SCAF11: variants seen among roughly 807,000 people sequenced by gnomAD.
SCAF11 encodes the protein SR-related CTD associated factor 11.
In SCAF11, 47 loss-of-function variants were observed where a neutral mutation model predicts 140.5. That is an observed-to-expected ratio of 0.33 (90% CI 0.26 to 0.43). The LOEUF (loss-of-function observed/expected upper bound fraction) is 0.43, where lower values mean the gene tolerates loss of function less well. Ranked by LOEUF, SCAF11 falls within the 20% of genes least tolerant of loss-of-function variation. SCAF11 has a pLI of 1.00. For missense variants in SCAF11, 1,645 were observed against 1,705.1 expected (o/e 0.96, Z 0.62); for synonymous variants, 557 against 579.4 (o/e 0.96, Z 0.55).
intron 3 of SCAF11, chr12:45,961,394 A>AG: frequency 1.4e-6 from 1 of 703,376 alleles, no homozygotes. Flanking sequence ...TATTAAGCAC[A>AG]GAGTCAAGTA....
chr12:45,961,693 G>T lies in SCAF11; in HGVS notation c.219+7C>A. The T allele has an allele frequency of 6.2e-7, 1 of 1,606,420 alleles. No homozygotes were observed. The highest frequency in any genetic ancestry group is 1.1e-5 in the South Asian group (1 of 89,786). On this transcript the variant is annotated splice_region_variant and intron_variant, in intron 3 of 14. Coordinates refer to ENST00000369367, the MANE Select transcript of SCAF11 (RefSeq NM_004719.3). The stretch of plus-strand genomic sequence containing the variant: ...GAAATTAAAATACATTAATGTGTCA[G>T]ACTTACCTCTGCCCATTTAAGAATA...
chr12:45,928,118 T>C lies in SCAF11; in HGVS notation c.1583A>G (p.Gln528Arg). Reference protein sequence around the residue: ...KGGDPLEKQDQISGLSQSEVK... With the variant: ...KGGDPLEKQDRISGLSQSEVK... Reference sequence around the variant, plus strand: ...CTCTGATTGTGAAAGTCCAGATATCTGGTCTTGCTTTTCCAATGGATCACC... The same window carrying C: ...CTCTGATTGTGAAAGTCCAGATATCCGGTCTTGCTTTTCCAATGGATCACC... The change falls in exon 11 of 15, where the codon CAG (glutamine) becomes CGG (arginine). Residue 528 changes from glutamine to arginine, a missense_variant. Around this residue, in one of 2 missense-constraint regions of SCAF11, gnomAD observed 1,582 missense variants for 1,609.2 expected, o/e 0.98. Coordinates refer to ENST00000369367, the MANE Select transcript of SCAF11 (RefSeq NM_004719.3). 1 of 1,614,010 alleles carries C rather than the reference T, an allele frequency of 6.2e-7. No individual in the cohort carries two copies. The highest frequency in any genetic ancestry group is 1.1e-5 in the South Asian group (1 of 91,074).
In SCAF11 at chr12:45,927,081, C is replaced by T; in HGVS notation, c.2620G>A (p.Glu874Lys). 1 of 1,614,160 alleles carries T rather than the reference C, an allele frequency of 6.2e-7. No homozygotes were observed. Among genetic ancestry groups the T allele is most frequent in the Non-Finnish European group, 8.5e-7 (1 of 1,180,024 alleles). Residue 874 changes from glutamate (E) to lysine (K), a missense_variant, in exon 11 of 15, where the codon GAA (glutamate) becomes AAA (lysine). Transcript: ENST00000369367. ...GACAGTGATTCAGATCTTCTGCTTT[C>T]CCTAGTAGTATCCCTTTTTGGAGAC... ...SRSPKRDTTR[E>K]SRRSESLSPR...
At chr12:45,945,355 CTG>C (rs1165246882) in intron 5 of SCAF11, 42 bp from the exon 6 acceptor site, 2 of 1,198,164 alleles carry the variant, frequency 1.7e-6, no homozygotes, top group Non-Finnish European at 2.4e-6. Flanking sequence ...AAGAAAAAAA[CTG>C]TCATTTTGCT....
chr12:45,968,029 G>A (rs1945991102), intron 1 of SCAF11, among the ~76,000 whole-genome samples: 1 of 152,200 alleles, frequency 6.6e-6, no homozygotes, highest in African/African-American at 2.4e-5. Context: ...GAGGTAAGAT[G>A]TGGGTAGGTA....
At chr12:45,991,639 C>T (rs1946614150), upstream of SCAF11, among the ~76,000 whole-genome samples, 1 of 152,200 alleles carries the variant, frequency 6.6e-6, no homozygotes, top group Admixed American at 6.5e-5. Flanking sequence ...GTGTGCCATC[C>T]TCCACTTTTT....
chr12:45,981,725 G>T (rs182868562), intron 1 of SCAF11, among the ~76,000 whole-genome samples: 2 of 152,244 alleles, frequency 1.3e-5, no homozygotes, highest in Admixed American at 1.3e-4. Flanking sequence ...AGCCCAGGAG[G>T]TTAAGGTTGC....
In SCAF11 at chr12:45,928,168, A is replaced by T. The variant is rs1287805231; in HGVS notation, c.1533T>A (p.Ile511=). ...CTCCTTTTTCAAGAATATTTTCAGA[A>T]ATCTCACTTTCCAAACACAAAACAT... The part of the protein sequence containing the change: ...EANVLCLESE[I]SENILEKGGD... The change falls in exon 11 of 15, where the codon ATT becomes ATA. Residue 511 remains isoleucine (I), a synonymous_variant. Coordinates refer to ENST00000369367, the MANE Select transcript of SCAF11 (RefSeq NM_004719.3). 1.9e-6 allele frequency: 3 copies of T among 1,613,986 alleles called. No individual in the cohort carries two copies. In the South Asian group the frequency reaches 3.3e-5, roughly 18 times the overall value.
In SCAF11 at chr12:45,973,515, A is replaced by G. The variant is rs748088470; in HGVS notation, c.-21-9327T>C. ...CAAAACCTCAGACAGAATAATCCCA[A>G]TGAAATCCATGCCTGGACACACATC... On this transcript the variant is annotated intron_variant, in intron 1 of 14. Coordinates refer to ENST00000369367, the MANE Select transcript of SCAF11 (RefSeq NM_004719.3). Among the ~76,000 whole-genome samples, 7 of 152,194 alleles carry G rather than the reference A, an allele frequency of 4.6e-5. No individual in the cohort carries two copies. The South Asian group carries it at 8.3e-4, about 18-fold the overall frequency.
At chr12:45,961,287 A>AT (rs748193089) in intron 3 of SCAF11, 5 of 715,256 alleles carry the variant, frequency 7.0e-6, no homozygotes, top group South Asian at 3.0e-5. Flanking sequence ...CAAGGCTGAT[A>AT]TAAAGAAGAA....
In SCAF11 at chr12:45,936,147, G is replaced by GTT. The variant is rs1414313412; in HGVS notation, c.464-1644_464-1643dup. On this transcript the variant is annotated intron_variant, in intron 6 of 14. Transcript: ENST00000369367. ...TACTACTCTATGTGTGGTTTTTTTT[G>GTT]TTTTTTTTTTTTGAAACAGAATCTC... 3.5e-3 allele frequency among the ~76,000 whole-genome samples: 492 copies of GTT among 140,442 alleles called. 2 individuals carry two copies. The highest frequency in any genetic ancestry group is 0.012 in the African/African-American group (478 of 38,652). 92.1% of individuals were successfully genotyped at this position (140,442 alleles called of 152,430 possible).
intron 6 of SCAF11, among the ~76,000 whole-genome samples, chr12:45,939,522 T>C (rs1256836702): frequency 2.0e-5 from 3 of 151,956 alleles, no homozygotes; most frequent in African/African-American, 4.8e-5. Context: ...ATGGTGAAAT[T>C]CCCCTGTCTC....
chr12:45,932,507 T>TA (rs1343371074), intron 9 of SCAF11, among the ~76,000 whole-genome samples: 1 of 152,128 alleles, frequency 6.6e-6, no homozygotes, highest in Non-Finnish European at 1.5e-5. Flanking sequence ...TCTTAGAGGG[T>TA]GAATGCCCTA....
intron 3 of SCAF11, among the ~76,000 whole-genome samples, chr12:45,953,200 G>C (rs1394752188): frequency 6.6e-6 from 1 of 152,142 alleles, no homozygotes. Context: ...TTTCCCTATA[G>C]AAAACTTGAC....
chr12:45,924,476 AT>A (rs1176547882), intron 12 of SCAF11, among the ~76,000 whole-genome samples: 2 of 152,208 alleles, frequency 1.3e-5, no homozygotes, highest in Non-Finnish European at 2.9e-5. Flanking sequence ...GAATAAAAAA[AT>A]CCTGTTCAGA....
intron 1 of SCAF11, among the ~76,000 whole-genome samples, chr12:45,973,195 G>C (rs1946153784): frequency 6.6e-6 from 1 of 150,460 alleles, no homozygotes; most frequent in African/African-American, 2.4e-5. Flanking sequence ...CTCAACAGAA[G>C]AATGGAAATA....
At chr12:45,985,173 C>G (rs569550945) in intron 1 of SCAF11, among the ~76,000 whole-genome samples, 4 of 152,256 alleles carry the variant, frequency 2.6e-5, no homozygotes, top group Non-Finnish European at 5.9e-5. Flanking sequence ...TGAATTGGTA[C>G]CAATTTCTCC....
At chr12:45,936,142 T>G (rs1945167986) in intron 6 of SCAF11, among the ~76,000 whole-genome samples, 1 of 151,622 alleles carries the variant, frequency 6.6e-6, no homozygotes, top group Non-Finnish European at 1.5e-5. Context: ...TGTGTGGTTT[T>G]TTTTGTTTTT....
chr12:45,990,266 C>T (rs1027736742), intron 1 of SCAF11, 87 bp downstream of exon 1: 1 of 1,230,120 alleles, frequency 8.1e-7, no homozygotes, highest in African/African-American at 1.6e-5. Flanking sequence ...CCTAGGCCCG[C>T]TCCAGCGCTC....
Sources: allele counts gnomAD v4.1 joint callset (sites outside exome capture counted in the v4.1 genomes callset), GRCh38; gene constraint gnomAD v4.1.1; regional missense constraint gnomAD v4.1.1; transcripts MANE v1.5; gene names NCBI Gene and HGNC (gene_info 2026-07-23, HGNC 2026-07-21).